LRRC37A2: variants seen among roughly 807,000 people sequenced by gnomAD.
The protein encoded by LRRC37A2 is leucine rich repeat containing 37 member A2, also known as leucine-rich repeat-containing protein 37A2.
A neutral mutation model predicts 68.8 loss-of-function variants in LRRC37A2; 9 were observed. That is an observed-to-expected ratio of 0.13 (90% CI 0.08 to 0.23). LRRC37A2 has a LOEUF of 0.23. Among genes scored for constraint, LRRC37A2 ranks in the 10% least tolerant of loss-of-function variants. The pLI, the probability that LRRC37A2 is intolerant of heterozygous loss-of-function variation, is 1.00. For missense variants in LRRC37A2, 168 were observed against 950.4 expected (o/e 0.18, Z 10.82); for synonymous variants, 63 against 367.6 (o/e 0.17, Z 9.48).
the LRRC37A2 span, among the ~76,000 whole-genome samples, chr17:46,714,222 T>C: frequency 6.6e-6 from 1 of 152,226 alleles, no homozygotes; most frequent in African/African-American, 2.4e-5. Context: ...TTAATACATA[T>C]TAAGTTTCAT....
At chr17:46,752,365 C>T in the LRRC37A2 span, among the ~76,000 whole-genome samples, 1 of 152,154 alleles carries the variant, frequency 6.6e-6, no homozygotes, top group South Asian at 2.1e-4. Flanking sequence ...CCTATCAAGC[C>T]CTATGAGTTC....
At chr17:46,889,313 G>A in the LRRC37A2 span, among the ~76,000 whole-genome samples, 7,335 of 152,214 alleles carry the variant, frequency 0.048, 601 homozygotes, top group African/African-American at 0.17. Context: ...AGCCAGGCAG[G>A]AAGTGCCTCC....
At chr17:46,898,527 G>A in the LRRC37A2 span, among the ~76,000 whole-genome samples, 2 of 152,160 alleles carry the variant, frequency 1.3e-5, no homozygotes, top group African/African-American at 4.8e-5. Flanking sequence ...CTGTATGTGA[G>A]GAGGGCACAA....
the LRRC37A2 span, among the ~76,000 whole-genome samples, chr17:46,902,995 G>A: frequency 6.6e-6 from 1 of 152,128 alleles, no homozygotes; most frequent in Non-Finnish European, 1.5e-5. Context: ...AAGGATTCAA[G>A]AAGGGGCCAG....
chr17:46,731,530 G>C, the LRRC37A2 span, among the ~76,000 whole-genome samples: 7,022 of 152,220 alleles, frequency 0.046, 525 homozygotes, highest in African/African-American at 0.16. Flanking sequence ...TTTAGAAGTG[G>C]TTTAGGAGCT....
chr17:47,018,705 A>G, the LRRC37A2 span: 20 of 1,520,126 alleles, frequency 1.3e-5, no homozygotes, highest in Non-Finnish European at 1.7e-5. Context: ...GCATCCACAG[A>G]CCGCTGAGGA....
chr17:46,901,963 G>A, the LRRC37A2 span, among the ~76,000 whole-genome samples: 2 of 152,058 alleles, frequency 1.3e-5, no homozygotes, highest in African/African-American at 4.8e-5. Context: ...GCCCGCCACT[G>A]TGCCCAGCTA....
chr17:46,755,353 T>A, the LRRC37A2 span: 1 of 1,613,688 alleles, frequency 6.2e-7, no homozygotes, highest in Non-Finnish European at 8.5e-7. Context: ...CTTGGCCCTC[T>A]TAAGAGAAGA....
chr17:46,503,261 C>G, the LRRC37A2 span, among the ~76,000 whole-genome samples: 1 of 146,882 alleles, frequency 6.8e-6, no homozygotes, highest in Non-Finnish European at 1.5e-5. Flanking sequence ...AAGCGTTTCT[C>G]TTTCTCTTCA....
chr17:46,912,631 G>T, the LRRC37A2 span, among the ~76,000 whole-genome samples: 4 of 152,174 alleles, frequency 2.6e-5, no homozygotes, highest in East Asian at 7.7e-4. Context: ...GGTCCTGGAG[G>T]GGGCCACAGA....
the LRRC37A2 span, among the ~76,000 whole-genome samples, chr17:46,877,953 T>G: frequency 6.6e-6 from 1 of 152,196 alleles, no homozygotes; most frequent in Admixed American, 6.5e-5. Context: ...CTTTGATAAT[T>G]TCCTCAGATC....
chr17:46,842,984 C>T, the LRRC37A2 span, among the ~76,000 whole-genome samples: 3 of 152,120 alleles, frequency 2.0e-5, no homozygotes, highest in Admixed American at 6.5e-5. Flanking sequence ...AAGTTAGGAC[C>T]CAGGGTTCTC....
chr17:46,922,982 CT>C, the LRRC37A2 span: 2 of 609,112 alleles, frequency 3.3e-6, no homozygotes, highest in African/African-American at 3.7e-5. Flanking sequence ...GAAGCCGAGC[CT>C]GTGACTACAC....
At chr17:46,585,318 G>GA in the LRRC37A2 span, among the ~76,000 whole-genome samples, 77 of 70,372 alleles carry the variant, frequency 1.1e-3, 3 homozygotes, top group Middle Eastern at 0.013. Context: ...ACTCCATCTC[G>GA]AAAAAAAAAA....
At chr17:46,723,043 G>GTGATT in the LRRC37A2 span, among the ~76,000 whole-genome samples, 248 of 152,334 alleles carry the variant, frequency 1.6e-3, 1 homozygote, top group African/African-American at 5.3e-3. Flanking sequence ...CAACTGTGAA[G>GTGATT]TGATTTGGAA....
At chr17:46,768,412 G>A in the LRRC37A2 span, 1 of 1,613,824 alleles carries the variant, frequency 6.2e-7, no homozygotes, top group Non-Finnish European at 8.5e-7. The surrounding 1 kb of genome is among the most constrained non-coding windows in gnomAD (Gnocchi z 5.0). Flanking sequence ...TTTTCCTTCC[G>A]CTTCTCCGTC....
intron 8 of LRRC37A2, among the ~76,000 whole-genome samples, chr17:46,542,813 A>G (rs2055625538): frequency 6.6e-6 from 1 of 150,652 alleles, no homozygotes; most frequent in Non-Finnish European, 1.5e-5. Context: ...AGCCCCCACA[A>G]TATGGCAAGC....
chr17:46,872,523 C>G, the LRRC37A2 span: 1 of 1,539,222 alleles, frequency 6.5e-7, no homozygotes, highest in Non-Finnish European at 8.8e-7. Context: ...CTAGCCTGAC[C>G]GGGCGGGAAG....
At chr17:46,968,440 TCC>T in the LRRC37A2 span, among the ~76,000 whole-genome samples, 1 of 152,178 alleles carries the variant, frequency 6.6e-6, no homozygotes, top group Non-Finnish European at 1.5e-5. Flanking sequence ...GCCTGGGGTG[TCC>T]CTCCATGCGG....
Sources: allele counts gnomAD v4.1 joint callset (sites outside exome capture counted in the v4.1 genomes callset), GRCh38; gene constraint gnomAD v4.1.1; non-coding constraint Gnocchi (gnomAD v3.1); transcripts MANE v1.5; gene names NCBI Gene and HGNC (gene_info 2026-07-23, HGNC 2026-07-21).